The following KCNMA1 variants were observed in gnomAD, a reference collection of about 807,000 sequenced individuals.
KCNMA1 encodes potassium calcium-activated channel subfamily M alpha 1.
Under a neutral mutation model 140.0 loss-of-function variants are expected in KCNMA1, and 29 were observed. That is an observed-to-expected ratio of 0.21 (90% CI 0.15 to 0.28). KCNMA1 has a LOEUF of 0.28. Among genes scored for constraint, KCNMA1 ranks in the 10% least tolerant of loss-of-function variants. The probability of loss-of-function intolerance (pLI) is 1.00; values close to 1 mark genes in which losing one functional copy is unlikely to be tolerated. For missense variants in KCNMA1, 880 were observed against 1,602.2 expected, an observed-to-expected ratio of 0.55 and a Z score of 7.70; for synonymous variants, 612 against 611.9, an observed-to-expected ratio of 1.00 and a Z score of 0.00.
Position 77,120,983 on chromosome 10 carries a change from G to T in KCNMA1, c.874C>A (p.Leu292Ile). The T allele has an allele frequency of 6.3e-7, 1 of 1,587,094 alleles. No homozygotes were observed. The highest frequency in any genetic ancestry group is 8.6e-7 in the Non-Finnish European group (1 of 1,156,254). ...FSEILQFLNILKTSNSIKLVN... is the reference protein window; with the variant it reads ...FSEILQFLNIIKTSNSIKLVN... ...CGAAGAACATCTTACCTTGTTTTAA[G>T]AATATTCAGAAACTGCAAAATTTCT... The change falls in exon 6 of 28, where the codon CTT becomes ATT. Residue 292 changes from leucine to isoleucine, a missense_variant. Around this residue, in one of 13 missense-constraint regions of KCNMA1, gnomAD observed 198 missense variants for 580.1 expected, o/e 0.34. Coordinates refer to ENST00000286628, the MANE Select transcript of KCNMA1 (RefSeq NM_001161352.2).
chr10:77,041,888 T>C (rs2153589467), intron 14 of KCNMA1, among the ~76,000 whole-genome samples: 1 of 152,246 alleles, frequency 6.6e-6, no homozygotes, highest in South Asian at 2.1e-4. Flanking sequence ...AAATGCAACA[T>C]GTGGACCAGA....
chr10:77,606,833 T>G (rs1464026264), intron 1 of KCNMA1, among the ~76,000 whole-genome samples: 2 of 152,112 alleles, frequency 1.3e-5, no homozygotes, highest in Non-Finnish European at 2.9e-5. Context: ...AGTCACCTAA[T>G]GCCCACAGGC....
At chr10:77,149,370 T>G (rs1314104063) in intron 5 of KCNMA1, among the ~76,000 whole-genome samples, 1 of 152,252 alleles carries the variant, frequency 6.6e-6, no homozygotes, top group Admixed American at 6.5e-5. Flanking sequence ...TTAGCAAGTC[T>G]CATTTTGTAA....
At chr10:77,256,683 C>A (rs988765058) in intron 2 of KCNMA1, among the ~76,000 whole-genome samples, 3 of 152,254 alleles carry the variant, frequency 2.0e-5, no homozygotes, top group Admixed American at 6.5e-5. Flanking sequence ...CACAGCAGAA[C>A]AAATGACCCT....
At chr10:77,403,715 G>T in intron 2 of KCNMA1, 147 bp downstream of exon 2, 1 of 705,568 alleles carries the variant, frequency 1.4e-6, no homozygotes. Context: ...TCTCCTCCAT[G>T]ACCACGCGGG....
chr10:77,018,085 A>G (rs2092383377), intron 17 of KCNMA1, among the ~76,000 whole-genome samples: 1 of 152,178 alleles, frequency 6.6e-6, no homozygotes, highest in Non-Finnish European at 1.5e-5. Flanking sequence ...TCTCGATTTT[A>G]CAGATGAGGA....
At chr10:76,910,382 C>T (rs2049666436) in intron 24 of KCNMA1, 1 of 411,810 alleles carries the variant, frequency 2.4e-6, no homozygotes, top group Admixed American at 3.5e-5. Context: ...AGTCCTTTGG[C>T]ATAGCTTTAG....
At chr10:77,210,913 G>C (rs1231737289) in intron 3 of KCNMA1, among the ~76,000 whole-genome samples, 1 of 152,114 alleles carries the variant, frequency 6.6e-6, no homozygotes, top group Non-Finnish European at 1.5e-5. Flanking sequence ...AGAAGTCAGA[G>C]ACAACACAAA....
chr10:77,586,311 T>C (rs1403757651), intron 1 of KCNMA1: 1 of 152,240 alleles, frequency 6.6e-6, no homozygotes, highest in Admixed American at 6.5e-5. Flanking sequence ...AAAATGGTTC[T>C]AGCACCTGGA....
At position 77,220,865 on chromosome 10, in the gene KCNMA1, G is replaced by A. The variant is rs917783986; in HGVS notation, c.602+30330C>T. Among the ~76,000 whole-genome samples the A allele has an allele frequency of 3.9e-5, 6 of 152,226 alleles. No individual in the cohort carries two copies. The South Asian group carries it at 8.3e-4, about 21-fold the overall frequency. ...TCTGGGGTTCTGAGATGTCTCTAGC[G>A]GTCACTGACCTAACCATTAGCAACT... On this transcript the variant is annotated intron_variant, in intron 3 of 27. Transcript: ENST00000286628.
chr10:77,623,100 C>A (rs2091810052), intron 1 of KCNMA1, among the ~76,000 whole-genome samples: 1 of 152,218 alleles, frequency 6.6e-6, no homozygotes, highest in African/African-American at 2.4e-5. Context: ...TAAATAGCAT[C>A]ATCCCTGGAG....
chr10:77,097,398 C>T (rs1008312297), intron 9 of KCNMA1, among the ~76,000 whole-genome samples: 3 of 152,096 alleles, frequency 2.0e-5, no homozygotes, highest in Middle Eastern at 3.2e-3. Context: ...CACCCTACCC[C>T]AGGACCTGGC....
At chr10:77,266,834 C>T (rs772195131) in intron 2 of KCNMA1, among the ~76,000 whole-genome samples, 3 of 152,184 alleles carry the variant, frequency 2.0e-5, no homozygotes, top group African/African-American at 4.8e-5. Flanking sequence ...CCCCACCATT[C>T]ACTCATTCAT....
At chr10:76,993,920 C>T (rs1044538996) in intron 19 of KCNMA1, among the ~76,000 whole-genome samples, 3 of 152,228 alleles carry the variant, frequency 2.0e-5, no homozygotes, top group Non-Finnish European at 4.4e-5. Flanking sequence ...GCAGGAGGCC[C>T]CCCCAGGACT....
intron 1 of KCNMA1, among the ~76,000 whole-genome samples, chr10:77,585,833 T>C (rs2077134261): frequency 6.6e-6 from 1 of 152,196 alleles, no homozygotes; most frequent in Admixed American, 6.5e-5. Flanking sequence ...AGACAAATAC[T>C]GAGATTCATG....
rs1425696995 is a variant in KCNMA1 at position 77,357,218 on chromosome 10, C to T, written c.540+46644G>A. Reference sequence around the variant, plus strand: ...TACCCAAGCCATCAAATTCCCATCCCCATTTTTTTGGTTCTTAAGCAGCTT... The same window carrying T: ...TACCCAAGCCATCAAATTCCCATCCTCATTTTTTTGGTTCTTAAGCAGCTT... On this transcript the variant is annotated intron_variant, in intron 2 of 27. Coordinates refer to ENST00000286628, the MANE Select transcript of KCNMA1 (RefSeq NM_001161352.2). 2.0e-5 allele frequency among the ~76,000 whole-genome samples: 3 copies of T among 152,162 alleles called. No individual in the cohort carries two copies. In the East Asian group the frequency reaches 5.8e-4, roughly 29 times the overall value.
intron 5 of KCNMA1, among the ~76,000 whole-genome samples, chr10:77,143,932 G>A (rs1468335090): frequency 6.6e-6 from 1 of 152,130 alleles, no homozygotes; most frequent in African/African-American, 2.4e-5. Context: ...ATCAAGTGTT[G>A]GTGAAGAAAC....
chr10:77,110,869 A>C (rs1382867150), intron 7 of KCNMA1, among the ~76,000 whole-genome samples: 1 of 152,158 alleles, frequency 6.6e-6, no homozygotes, highest in Non-Finnish European at 1.5e-5. Context: ...TTCAAACAGC[A>C]TCTCTGGAAT....
intron 20 of KCNMA1, among the ~76,000 whole-genome samples, chr10:76,965,062 G>A (rs1028368684): frequency 1.3e-5 from 2 of 152,114 alleles, no homozygotes; most frequent in Non-Finnish European, 2.9e-5. Context: ...GGGTTGGTAA[G>A]GCCCCCAAAT....
Sources: allele counts gnomAD v4.1 joint callset (sites outside exome capture counted in the v4.1 genomes callset), GRCh38; gene constraint gnomAD v4.1.1; regional missense constraint gnomAD v4.1.1; transcripts MANE v1.5; gene names NCBI Gene and HGNC (gene_info 2026-07-23, HGNC 2026-07-21).